The following RHOH variants were observed in gnomAD, a reference collection of about 807,000 sequenced individuals.
RHOH encodes rho-related GTP-binding protein RhoH.
A neutral mutation model predicts 13.8 loss-of-function variants in RHOH; 6 were observed. The observed-to-expected ratio is 0.44, with a 90% confidence interval of 0.24 to 0.86. The LOEUF (loss-of-function observed/expected upper bound fraction) is 0.86. Among genes scored for constraint, RHOH ranks in the 40% least tolerant of loss-of-function variants. RHOH has a pLI of 0.24. For synonymous variants in RHOH, 117 were observed against 103.0 expected (o/e 1.14, Z -0.82); for missense variants, 147 against 244.5 (o/e 0.60, Z 2.66).
intron 1 of RHOH, among the ~76,000 whole-genome samples, chr4:40,214,338 T>C (rs973865746): frequency 2.0e-5 from 3 of 152,184 alleles, no homozygotes; most frequent in African/African-American, 7.2e-5. Flanking sequence ...TCAATTCACT[T>C]TGGGGTTATG....
At chr4:40,195,354 T>TTTAC (rs1553932215), upstream of RHOH, among the ~76,000 whole-genome samples, 13 of 91,950 alleles carry the variant, frequency 1.4e-4, no homozygotes, top group Non-Finnish European at 2.5e-4. Context: ...CTTTCTTTCT[T>TTTAC]TTCCTTCCTT....
rs780353565 is a variant in RHOH, at chr4:40,243,440, C to T, written c.54C>T (p.Thr18=). The change falls in exon 3 of 3, where the codon ACC becomes ACT. Residue 18 remains threonine, a synonymous_variant. Coordinates refer to ENST00000381799, the MANE Select transcript of RHOH (RefSeq NM_004310.5). The surrounding 1 kb of genome is among the most constrained non-coding windows in gnomAD (Gnocchi z 6.2). ...VLVGDSAVGK[T]SLLVRFTSET... is the part of the protein sequence containing the mutation. Reference sequence around the variant, plus strand: ...TGGGCGACTCTGCTGTGGGGAAAACCTCTCTGTTGGTGCGCTTCACCTCCG... The same window carrying T: ...TGGGCGACTCTGCTGTGGGGAAAACTTCTCTGTTGGTGCGCTTCACCTCCG... 5.6e-6 allele frequency: 9 copies of T among 1,612,344 alleles called. No individual in the cohort carries two copies. Among genetic ancestry groups the T allele is most frequent in the Non-Finnish European group, 5.9e-6 (7 of 1,179,070 alleles).
intron 1 of RHOH, among the ~76,000 whole-genome samples, chr4:40,229,430 G>A (rs1194711579): frequency 6.6e-6 from 1 of 152,026 alleles, no homozygotes; most frequent in Non-Finnish European, 1.5e-5. Flanking sequence ...GAGGTCGGGA[G>A]TTTGAGACCA....
upstream of RHOH, chr4:40,193,092 G>A (rs1237360165): frequency 6.6e-6 from 1 of 152,486 alleles, no homozygotes; most frequent in Non-Finnish European, 1.5e-5. Flanking sequence ...TGAGCCCTGG[G>A]ACCTCTGAAG....
At chr4:40,236,598 G>C (rs7676043) in intron 1 of RHOH, among the ~76,000 whole-genome samples, 30,726 of 151,154 alleles carry the variant, frequency 0.2, 3,884 homozygotes, top group African/African-American at 0.36. Flanking sequence ...AGACCATCCT[G>C]GCCAACATGG....
In RHOH at chr4:40,243,217, C is replaced by G; in HGVS notation, c.-170C>G. 7.5e-6 allele frequency: 4 copies of G among 534,476 alleles called. No homozygotes were observed. Among genetic ancestry groups the G allele is most frequent in the South Asian group, 3.3e-5 (1 of 30,274 alleles). The allele number at this position is 534,476 out of a possible 1,614,324, so 33.1% of individuals were successfully genotyped here. A position where few individuals can be genotyped will look rare whatever the true frequency, so the allele number is the denominator to read the frequency against. ...TTGGAGGTTTTCAAAGCAGACGGTGCTTGGATGGGCAGGGAGAAGTAACAT... is the reference window on the plus strand; with the variant it reads ...TTGGAGGTTTTCAAAGCAGACGGTGGTTGGATGGGCAGGGAGAAGTAACAT... On this transcript the variant is annotated 5_prime_UTR_variant, in exon 3 of 3. Coordinates refer to ENST00000381799, the MANE Select transcript of RHOH (RefSeq NM_004310.5). This position sits in a 1 kb window ranked among gnomAD's most constrained non-coding sequence, Gnocchi z 6.2.
upstream of RHOH, among the ~76,000 whole-genome samples, chr4:40,194,307 C>G (rs1376265862): frequency 6.6e-6 from 1 of 152,096 alleles, no homozygotes; most frequent in African/African-American, 2.4e-5. Context: ...TGCCTCACTA[C>G]AACCTCTGCC....
chr4:40,239,358 GTCTC>G (rs988588093), intron 1 of RHOH, among the ~76,000 whole-genome samples: 12 of 152,110 alleles, frequency 7.9e-5, no homozygotes, highest in African/African-American at 2.4e-4. Context: ...TTAGACAGGA[GTCTC>G]TCTCTTTCTT....
At position 40,243,473 on chromosome 4, in the gene RHOH, C is replaced by T. The variant is rs1265967847; in HGVS notation, c.87C>T (p.Phe29=). The T allele has an allele frequency of 6.2e-7, 1 of 1,614,006 alleles. No individual in the cohort carries two copies. The highest frequency in any genetic ancestry group is 2.2e-5 in the East Asian group (1 of 44,870). Residue 29 remains phenylalanine, a synonymous_variant, in exon 3 of 3, where the codon TTC becomes TTT. Transcript: ENST00000381799. The surrounding 1 kb of genome is among the most constrained non-coding windows in gnomAD (Gnocchi z 6.2). ...TGGTGCGCTTCACCTCCGAGACCTT[C>T]CCGGAGGCCTACAAGCCCACAGTGT... is the stretch of plus-strand genomic sequence containing the variant. ...SLLVRFTSET[F]PEAYKPTVYE...
chr4:40,242,945 TTGTGTGTGTGTGTGTGTGTGTGTG>T (rs58807335), intron 2 of RHOH, 111 bp downstream of exon 2: 196 of 143,726 alleles, frequency 1.4e-3, no homozygotes, highest in Admixed American at 3.6e-3. Flanking sequence ...CGGGAGGCAT[TTGTGTGTGTGTGTGTGTGTGTGTG>T]TGTGTGTGTG....
upstream of RHOH, among the ~76,000 whole-genome samples, chr4:40,194,995 A>G (rs1025318006): frequency 8.6e-5 from 13 of 152,002 alleles, no homozygotes; most frequent in African/African-American, 2.7e-4. Context: ...ATTCTGAGCT[A>G]TGTGTTTATG....
intron 1 of RHOH, among the ~76,000 whole-genome samples, chr4:40,197,523 T>C (rs1723342693): frequency 6.6e-6 from 1 of 152,186 alleles, no homozygotes; most frequent in African/African-American, 2.4e-5. Context: ...CATGAAAAGT[T>C]ACAATAGTTG....
In RHOH at chr4:40,246,940, C is replaced by A. The variant is rs1240315591; in HGVS notation, c.*2978C>A. The A allele has an allele frequency of 6.6e-6, 1 of 152,154 alleles. No individual in the cohort carries two copies. 9.4% of individuals were successfully genotyped at this position (152,154 alleles called of 1,614,324 possible). On this transcript the variant is annotated 3_prime_UTR_variant, in exon 3 of 3. Coordinates refer to ENST00000381799, the MANE Select transcript of RHOH (RefSeq NM_004310.5). ...TCCAAGTAGCAGCATTAAATATGTTCTTGATGACATTAAAGAGTTAATTTT... is the reference window on the plus strand; with the variant it reads ...TCCAAGTAGCAGCATTAAATATGTTATTGATGACATTAAAGAGTTAATTTT...
chr4:40,193,479 C>CGAGAGAGAGAGAGAGAGA (rs34244157), upstream of RHOH, among the ~76,000 whole-genome samples: 145 of 88,664 alleles, frequency 1.6e-3, 1 homozygote, highest in African/African-American at 5.6e-3. Context: ...AGAATGAGAG[C>CGAGAGAGAGAGAGAGAGA]GAGAGAGAGA....
At chr4:40,208,051 C>T (rs762659344) in intron 1 of RHOH, among the ~76,000 whole-genome samples, 6 of 152,044 alleles carry the variant, frequency 3.9e-5, no homozygotes, top group African/African-American at 7.2e-5. Context: ...TTTCAGCCTA[C>T]GTTTATATCT....
intron 1 of RHOH, among the ~76,000 whole-genome samples, chr4:40,232,826 TC>T (rs1728105420): frequency 6.6e-6 from 1 of 152,152 alleles, no homozygotes. Flanking sequence ...CACATGCTTC[TC>T]CCCACCCCCA....
chr4:40,240,039 C>T (rs1447508357), intron 1 of RHOH: 2 of 152,186 alleles, frequency 1.3e-5, no homozygotes, highest in South Asian at 2.1e-4. Flanking sequence ...CATAGGTAGT[C>T]GGTTGGGCAG....
At chr4:40,205,212 C>T (rs1398735790) in intron 1 of RHOH, among the ~76,000 whole-genome samples, 1 of 152,176 alleles carries the variant, frequency 6.6e-6, no homozygotes, top group Non-Finnish European at 1.5e-5. Context: ...TTCAGTGAGC[C>T]AAGATCGTGT....
In RHOH at chr4:40,244,001, C is replaced by A; in HGVS notation, c.*39C>A. The A allele has an allele frequency of 6.6e-7, 1 of 1,521,308 alleles. No individual in the cohort carries two copies. Among genetic ancestry groups the A allele is most frequent in the South Asian group, 1.2e-5 (1 of 81,090 alleles). 94.2% of individuals were successfully genotyped at this position (1,521,308 alleles called of 1,614,324 possible). A position where few individuals can be genotyped will look rare whatever the true frequency, so the allele number is the denominator to read the frequency against. On this transcript the variant is annotated 3_prime_UTR_variant, in exon 3 of 3. Coordinates refer to ENST00000381799, the MANE Select transcript of RHOH (RefSeq NM_004310.5). ...TCACACAACACTTATGTATGCACCC[C>A]AAAGACTAATGGGGAGAGGGAGGGC...
Sources: gnomAD v4.1 joint callset for allele counts (sites outside exome capture counted in the v4.1 genomes callset) on GRCh38, gnomAD v4.1.1 for gene constraint, Gnocchi (gnomAD v3.1) non-coding constraint, MANE v1.5 for transcripts, NCBI Gene and HGNC (gene_info 2026-07-23, HGNC 2026-07-21) for gene names.